Variants in ENPP3 observed in about 807,000 individuals in gnomAD.
ENPP3 encodes the protein ectonucleotide pyrophosphatase/phosphodiesterase 3, also known as ectonucleotide pyrophosphatase/phosphodiesterase family member 3.
A neutral mutation model predicts 117.8 loss-of-function variants in ENPP3; 104 were observed. The observed-to-expected ratio is 0.88, with a 90% CI of 0.75 to 1.04. The LOEUF (loss-of-function observed/expected upper bound fraction) is 1.04. Ranked by LOEUF, ENPP3 falls within the 50% of genes least tolerant of loss-of-function variation. The pLI is 0.00. For missense variants in ENPP3, 1,026 were observed against 1,051.9 expected (o/e 0.98, Z 0.34); for synonymous variants, 380 against 349.9 (o/e 1.09, Z -0.96).
intron 20 of ENPP3, among the ~76,000 whole-genome samples, chr6:131,731,534 T>A (rs1780280228): frequency 6.6e-6 from 1 of 152,236 alleles, no homozygotes; most frequent in Admixed American, 6.5e-5. Context: ...GTGCACCTGC[T>A]CTTGGCTGTG....
chr6:131,642,352 T>A (rs1207205182), intron 2 of ENPP3, among the ~76,000 whole-genome samples: 3 of 151,012 alleles, frequency 2.0e-5, no homozygotes, highest in South Asian at 4.1e-4. Context: ...TCTTCAAAAA[T>A]TTTTTTCTTA....
At chr6:131,677,999 A>C in intron 11 of ENPP3, 59 bp downstream of exon 11, 1 of 996,450 alleles carries the variant, frequency 1.0e-6, no homozygotes, top group Non-Finnish European at 1.6e-6. Context: ...ACCCTAACCC[A>C]CAAAACAAGA....
chr6:131,722,159 C>T (rs2114531212), intron 17 of ENPP3, 68 bp from the exon 18 acceptor site: 1 of 1,125,136 alleles, frequency 8.9e-7, no homozygotes, highest in South Asian at 1.4e-5. Flanking sequence ...TGTTTCTTCC[C>T]ATCTCCCACA....
chr6:131,736,709 C>T (rs544183512), intron 21 of ENPP3, among the ~76,000 whole-genome samples: 1 of 152,224 alleles, frequency 6.6e-6, no homozygotes, highest in South Asian at 2.1e-4. Context: ...TGTGCACATC[C>T]AATAACTACC....
chr6:131,640,503 A>G (rs148058032), intron 1 of ENPP3, among the ~76,000 whole-genome samples: 156 of 152,338 alleles, frequency 1.0e-3, no homozygotes, highest in African/African-American at 3.6e-3. Flanking sequence ...TGTAAACATT[A>G]GATGTGTTAA....
chr6:131,668,380 A>G (rs1224287806), intron 6 of ENPP3, among the ~76,000 whole-genome samples: 1 of 151,564 alleles, frequency 6.6e-6, no homozygotes, highest in Non-Finnish European at 1.5e-5. Flanking sequence ...GCACTGGGCT[A>G]ATTTTTGTAT....
chr6:131,739,593 CTTTTTTTTTTTTTT>C (rs71270397), intron 23 of ENPP3, among the ~76,000 whole-genome samples: 2 of 87,462 alleles, frequency 2.3e-5, no homozygotes, highest in South Asian at 4.5e-4. Context: ...TCATGCTCTG[CTTTTTTTTTTTTTT>C]TTTTTTTTTT....
At position 131,652,550 on chromosome 6, in the gene ENPP3, T is replaced by C. The variant is rs779767375; in HGVS notation, c.286T>C (p.Trp96Arg). 1.9e-6 allele frequency: 3 copies of C among 1,614,048 alleles called. No individual in the cohort carries two copies. Among genetic ancestry groups the C allele is most frequent in the Admixed American group, 3.3e-5 (2 of 60,012 alleles). Residue 96 changes from tryptophan to arginine, a missense_variant, in exon 4 of 25, where the codon TGG becomes CGG. Trp to Arg is a moderately radical substitution (Grantham distance 101). Transcript: ENST00000357639. The part of the protein sequence containing the change: ...EDTCVESTRI[W>R]MCNKFRCGET... ...ATTGTATCGTTTTACAGCTCGAATA[T>C]GGATGTGCAATAAATTTCGTTGTGG... is the stretch of plus-strand genomic sequence containing the variant.
At chr6:131,684,269 CAT>C (rs1779099694) in intron 12 of ENPP3, among the ~76,000 whole-genome samples, 1 of 152,190 alleles carries the variant, frequency 6.6e-6, no homozygotes, top group Admixed American at 6.5e-5. Flanking sequence ...TAATGGGAAA[CAT>C]AGTAATGTAT....
chr6:131,734,806 G>A (rs947525705), intron 21 of ENPP3, among the ~76,000 whole-genome samples: 1 of 151,488 alleles, frequency 6.6e-6, no homozygotes, highest in Non-Finnish European at 1.5e-5. Context: ...GGAGGCTGAG[G>A]AATGAGAATG....
At chr6:131,744,010 G>A (rs1780582680) in intron 24 of ENPP3, among the ~76,000 whole-genome samples, 1 of 152,048 alleles carries the variant, frequency 6.6e-6, no homozygotes, top group Non-Finnish European at 1.5e-5. Context: ...TAAAATAGAT[G>A]GCTGGCTTTA....
At position 131,740,475 on chromosome 6, in the gene ENPP3, A is replaced by G. The variant is rs538113502; in HGVS notation, c.2457+95A>G. The G allele has an allele frequency of 5.3e-6, 5 of 946,944 alleles. No individual in the cohort carries two copies. The South Asian group carries it at 1.2e-4, about 24-fold the overall frequency. The allele number at this position is 946,944 out of a possible 1,614,324, so 58.7% of individuals were successfully genotyped here. ...TGGCTCTGACTAAAACATTTTTTTT[A>G]GGTGTTTCATGGGAAAAGTTATAAC... On this transcript the variant is annotated intron_variant, in intron 24 of 24. Transcript: ENST00000357639.
At chr6:131,741,568 A>G (rs1207518432) in intron 24 of ENPP3, among the ~76,000 whole-genome samples, 1 of 152,202 alleles carries the variant, frequency 6.6e-6, no homozygotes, top group Non-Finnish European at 1.5e-5. Context: ...TATATTGAGA[A>G]GACTACAAAG....
At chr6:131,666,889 C>G (rs147419387) in intron 6 of ENPP3, among the ~76,000 whole-genome samples, 1 of 152,202 alleles carries the variant, frequency 6.6e-6, no homozygotes, top group Non-Finnish European at 1.5e-5. Context: ...GCCTGATCAG[C>G]GATTCTGGAG....
At chr6:131,685,709 G>A (rs1779140407) in intron 13 of ENPP3, among the ~76,000 whole-genome samples, 167 bp from the exon 14 acceptor site, 1 of 152,090 alleles carries the variant, frequency 6.6e-6, no homozygotes, top group African/African-American at 2.4e-5. Context: ...ATCCTACTCA[G>A]TTCTAAATGC....
intron 10 of ENPP3, 138 bp from the exon 11 acceptor site, chr6:131,677,730 G>A: frequency 1.7e-6 from 1 of 586,390 alleles, no homozygotes; most frequent in Non-Finnish European, 3.1e-6. Flanking sequence ...TAGAACTACT[G>A]GGTCTGAACA....
chr6:131,724,181 C>T (rs757407176), intron 19 of ENPP3, 90 bp downstream of exon 19: 44 of 716,888 alleles, frequency 6.1e-5, no homozygotes, highest in Non-Finnish European at 9.1e-5. Flanking sequence ...AATAAGCTGA[C>T]AGAGGTTCCT....
At chr6:131,662,271 G>A (rs558521743) in intron 6 of ENPP3, among the ~76,000 whole-genome samples, 39 of 151,514 alleles carry the variant, frequency 2.6e-4, no homozygotes, top group African/African-American at 9.0e-4. Flanking sequence ...CTGAGATAGG[G>A]TCTCACTCTG....
At chr6:131,710,586 ATCC>A in intron 15 of ENPP3, 1 of 1,613,378 alleles carries the variant, frequency 6.2e-7, no homozygotes. Context: ...AGAGGATTTC[ATCC>A]TCAAGTTCAG....
Sources: allele counts gnomAD v4.1 joint callset (sites outside exome capture counted in the v4.1 genomes callset), GRCh38; gene constraint gnomAD v4.1.1; transcripts MANE v1.5; gene names NCBI Gene and HGNC (gene_info 2026-07-23, HGNC 2026-07-21).